STX8: variants seen among roughly 807,000 people sequenced by gnomAD.
The protein encoded by STX8 is syntaxin-8.
STX8 carries 23 observed loss-of-function variants against 37.5 expected under a neutral mutation model. That is an observed-to-expected ratio of 0.61 (90% CI 0.44 to 0.87). The LOEUF (loss-of-function observed/expected upper bound fraction) is 0.87. Ranked by LOEUF, STX8 falls within the 40% of genes least tolerant of loss-of-function variation. The probability of loss-of-function intolerance (pLI) is 0.00; values close to 1 mark genes in which losing one functional copy is unlikely to be tolerated. For missense variants in STX8, 313 were observed against 284.7 expected (o/e 1.10, Z -0.71); for synonymous variants, 115 against 99.1 (o/e 1.16, Z -0.95).
At chr17:9,455,129 T>C (rs1239899308) in intron 6 of STX8, among the ~76,000 whole-genome samples, 3 of 151,634 alleles carry the variant, frequency 2.0e-5, no homozygotes, top group South Asian at 2.1e-4. Context: ...GGTGGGAGGA[T>C]TGCTTGAGGT....
intron 6 of STX8, among the ~76,000 whole-genome samples, chr17:9,381,224 T>C (rs1175043003): frequency 6.6e-6 from 1 of 151,952 alleles, no homozygotes; most frequent in African/African-American, 2.4e-5. Flanking sequence ...AAGGGATTTA[T>C]GACTATTATA....
intron 7 of STX8, among the ~76,000 whole-genome samples, chr17:9,306,595 CAAAAAAAAAAAAAAA>C (rs71135963): frequency 2.9e-5 from 2 of 69,892 alleles, no homozygotes; most frequent in South Asian, 6.2e-4. Context: ...ACTAAAAATA[CAAAAAAAAAAAAAAA>C]AAAAAATAGC....
chr17:9,325,801 A>G (rs1398540587), intron 7 of STX8, among the ~76,000 whole-genome samples: 1 of 152,262 alleles, frequency 6.6e-6, no homozygotes, highest in African/African-American at 2.4e-5. Flanking sequence ...GCAGGGCCAC[A>G]TGGGCCAGAT....
intron 7 of STX8, among the ~76,000 whole-genome samples, chr17:9,259,521 G>A (rs1224353386): frequency 7.2e-5 from 11 of 152,204 alleles, no homozygotes; most frequent in East Asian, 3.9e-4. Flanking sequence ...TCCGAGGCCC[G>A]GCGGTGATGA....
chr17:9,371,204 T>C (rs1207384955), intron 7 of STX8, among the ~76,000 whole-genome samples: 1 of 152,132 alleles, frequency 6.6e-6, no homozygotes, highest in Non-Finnish European at 1.5e-5. Context: ...CATCGGCCCA[T>C]CAAGGAAGAT....
intron 6 of STX8, among the ~76,000 whole-genome samples, chr17:9,462,796 C>T (rs902920216): frequency 6.6e-6 from 1 of 152,176 alleles, no homozygotes; most frequent in Admixed American, 6.5e-5. Flanking sequence ...TAATTATAAT[C>T]CTTTTAATAA....
chr17:9,550,499 G>A (rs1220490288), intron 3 of STX8, among the ~76,000 whole-genome samples: 2 of 151,758 alleles, frequency 1.3e-5, no homozygotes, highest in Admixed American at 6.6e-5. Context: ...GCGTGAACCC[G>A]GGAGGTGGAG....
At chr17:9,427,907 G>C (rs888017377) in intron 6 of STX8, among the ~76,000 whole-genome samples, 1 of 152,086 alleles carries the variant, frequency 6.6e-6, no homozygotes, top group East Asian at 1.9e-4. Context: ...ACTCTACTCC[G>C]GCAATTCCTG....
At chr17:9,347,495 C>T (rs1016129046) in intron 7 of STX8, among the ~76,000 whole-genome samples, 7 of 152,130 alleles carry the variant, frequency 4.6e-5, no homozygotes, top group Non-Finnish European at 1.0e-4. Context: ...GTGCAACTAT[C>T]ACTACTACTT....
At chr17:9,389,581 TTCA>T (rs1345360989) in intron 6 of STX8, among the ~76,000 whole-genome samples, 1 of 152,154 alleles carries the variant, frequency 6.6e-6, no homozygotes, top group African/African-American at 2.4e-5. Flanking sequence ...CCAATAATAC[TTCA>T]TCATTTTTCT....
intron 2 of STX8, among the ~76,000 whole-genome samples, chr17:9,561,004 T>G (rs1907211870): frequency 6.6e-6 from 1 of 152,102 alleles, no homozygotes; most frequent in African/African-American, 2.4e-5. Context: ...GGAAAGAAAT[T>G]CATAATTTAA....
Position 9,368,486 on chromosome 17 carries a change from C to T in STX8, c.643+10066G>A, listed in dbSNP as rs774802865. On this transcript the variant is annotated intron_variant, in intron 7 of 7. Coordinates refer to ENST00000306357, the MANE Select transcript of STX8 (RefSeq NM_004853.3). ...CCAGCCTGGGTGACAGAGCGAGACT[C>T]CATCTCAAAAACAAACAAACAAACA... is the stretch of plus-strand genomic sequence containing the variant. Among the ~76,000 whole-genome samples the T allele has an allele frequency of 1.4e-3, 212 of 152,080 alleles. 2 individuals carry two copies. The highest frequency in any genetic ancestry group is 2.1e-4 in the Non-Finnish European group (14 of 68,012).
At chr17:9,343,527 G>A (rs967502134) in intron 7 of STX8, among the ~76,000 whole-genome samples, 4 of 152,194 alleles carry the variant, frequency 2.6e-5, no homozygotes, top group African/African-American at 9.7e-5. Context: ...CCTTAAAGAG[G>A]TCTTGATTTA....
At chr17:9,323,873 C>T (rs184936303) in intron 7 of STX8, among the ~76,000 whole-genome samples, 7 of 152,098 alleles carry the variant, frequency 4.6e-5, no homozygotes, top group Admixed American at 1.3e-4. Context: ...AGAAAGGGAA[C>T]GAGAAGAATG....
At chr17:9,436,232 C>T (rs1904426290) in intron 6 of STX8, among the ~76,000 whole-genome samples, 1 of 151,166 alleles carries the variant, frequency 6.6e-6, no homozygotes, top group Non-Finnish European at 1.5e-5. Context: ...GTAGTCCCAG[C>T]TACTTGGGGG....
intron 7 of STX8, among the ~76,000 whole-genome samples, chr17:9,277,690 G>A (rs948532185): frequency 1.3e-5 from 2 of 152,146 alleles, no homozygotes; most frequent in African/African-American, 2.4e-5. Context: ...TAATGGGGTG[G>A]TCAGATATGG....
Position 9,307,991 on chromosome 17 carries a change from G to C in STX8, c.644-57346C>G, listed in dbSNP as rs190114370. Among the ~76,000 whole-genome samples the C allele has an allele frequency of 6.8e-3, 1,036 of 152,348 alleles. 14 individuals are homozygous for C. The highest frequency in any genetic ancestry group is 9.5e-3 in the Non-Finnish European group (643 of 68,034). The stretch of plus-strand genomic sequence containing the variant: ...AAGGAAAGCTACACAGAGAGGCCAA[G>C]AAGACGGAGGTTAGCGATAGAAAAG... On this transcript the variant is annotated intron_variant, in intron 7 of 7. Coordinates refer to ENST00000306357, the MANE Select transcript of STX8 (RefSeq NM_004853.3).
intron 6 of STX8, among the ~76,000 whole-genome samples, chr17:9,391,181 G>A (rs534475783): frequency 1.3e-5 from 2 of 152,210 alleles, no homozygotes; most frequent in African/African-American, 2.4e-5. Flanking sequence ...GGCTGGGCTC[G>A]GTGGTTCACA....
At chr17:9,470,616 A>T (rs926041691) in intron 6 of STX8, among the ~76,000 whole-genome samples, 8 of 152,220 alleles carry the variant, frequency 5.3e-5, no homozygotes, top group African/African-American at 1.9e-4. Flanking sequence ...GGAATTAAGC[A>T]TTCTCATTCT....
Sources: gnomAD v4.1 joint callset for allele counts (sites outside exome capture counted in the v4.1 genomes callset) on GRCh38, gnomAD v4.1.1 for gene constraint, MANE v1.5 for transcripts, NCBI Gene and HGNC (gene_info 2026-07-23, HGNC 2026-07-21) for gene names.